Variants in DNER observed in about 807,000 individuals in gnomAD.
The protein encoded by DNER is delta/notch like EGF repeat containing.
In DNER, 33 loss-of-function variants were observed where a neutral mutation model predicts 78.2. The observed-to-expected ratio is 0.42, with a 90% CI of 0.32 to 0.56. The LOEUF is 0.56. DNER is among the 20% of genes least tolerant of loss of function. The probability of loss-of-function intolerance (pLI) is 0.11; values close to 1 mark genes in which losing one functional copy is unlikely to be tolerated. For missense variants in DNER, 918 were observed against 975.3 expected, an observed-to-expected ratio of 0.94 and a Z score of 0.78; for synonymous variants, 417 against 384.8, an observed-to-expected ratio of 1.08 and a Z score of -0.98.
chr2:229,690,924 G>T (rs1432644701), intron 1 of DNER, among the ~76,000 whole-genome samples: 1 of 152,200 alleles, frequency 6.6e-6, no homozygotes, highest in Non-Finnish European at 1.5e-5. Flanking sequence ...CAATGGCCAA[G>T]TTCATCCTTA....
chr2:229,564,571 A>T (rs1463021241), intron 4 of DNER, among the ~76,000 whole-genome samples: 12 of 105,286 alleles, frequency 1.1e-4, no homozygotes, highest in African/African-American at 1.5e-4. Context: ...ATCATCATCA[A>T]CATCATCACC....
At chr2:229,542,252 G>A (rs1427695140) in intron 5 of DNER, among the ~76,000 whole-genome samples, 2 of 151,854 alleles carry the variant, frequency 1.3e-5, no homozygotes, top group Non-Finnish European at 2.9e-5. Flanking sequence ...CTTTTTTTAA[G>A]CAGAAGGAAA....
At chr2:229,510,339 T>C (rs1695839946) in intron 6 of DNER, among the ~76,000 whole-genome samples, 1 of 152,204 alleles carries the variant, frequency 6.6e-6, no homozygotes, top group African/African-American at 2.4e-5. Context: ...ACGTGGAGAA[T>C]GGAGGGTCCG....
intron 6 of DNER, among the ~76,000 whole-genome samples, chr2:229,481,445 C>T (rs1001924837): frequency 2.0e-5 from 3 of 152,222 alleles, no homozygotes; most frequent in Non-Finnish European, 4.4e-5. Flanking sequence ...CAAATACCAG[C>T]GAGTGACTCC....
chr2:229,464,860 C>T (rs750766658), intron 7 of DNER, among the ~76,000 whole-genome samples: 8 of 152,092 alleles, frequency 5.3e-5, no homozygotes, highest in African/African-American at 1.7e-4. Flanking sequence ...GGTGCAAACG[C>T]TCCCTGTAGC....
chr2:229,456,144 T>C (rs6731978), intron 7 of DNER, among the ~76,000 whole-genome samples: 51,828 of 151,784 alleles, frequency 0.34, 9,972 homozygotes, highest in South Asian at 0.43. Flanking sequence ...CATATGCTTC[T>C]AGTGAGGGCC....
At chr2:229,367,465 G>A (rs1403488894) in intron 11 of DNER, among the ~76,000 whole-genome samples, 1 of 152,088 alleles carries the variant, frequency 6.6e-6, no homozygotes, top group Admixed American at 6.5e-5. Flanking sequence ...GCTGGGCGTG[G>A]TGGTGGATGT....
chr2:229,391,143 C>T (rs1693006932), intron 10 of DNER, among the ~76,000 whole-genome samples: 1 of 152,192 alleles, frequency 6.6e-6, no homozygotes, highest in African/African-American at 2.4e-5. Flanking sequence ...CAGTCTTACG[C>T]AAAGTGTTTG....
chr2:229,501,908 G>A (rs749084582), intron 6 of DNER, among the ~76,000 whole-genome samples: 9 of 152,280 alleles, frequency 5.9e-5, no homozygotes, highest in South Asian at 2.1e-4. Context: ...AACAAGGAGC[G>A]GCCTGGCTTA....
At chr2:229,666,430 G>T (rs946875181) in intron 1 of DNER, among the ~76,000 whole-genome samples, 4 of 152,186 alleles carry the variant, frequency 2.6e-5, no homozygotes, top group East Asian at 1.9e-4. Flanking sequence ...AGGTGAGGAA[G>T]AATGGGAATC....
intron 7 of DNER, among the ~76,000 whole-genome samples, chr2:229,458,411 GAGA>G (rs976197577): frequency 7.9e-5 from 12 of 151,882 alleles, no homozygotes; most frequent in Admixed American, 3.3e-4. Context: ...GAAATTATCA[GAGA>G]AGAAGCCCTT....
chr2:229,684,101 A>AGTGTGTGTGT lies in DNER; in HGVS notation c.276+30037_276+30046dup, dbSNP rs377602119. 4.7e-4 allele frequency among the ~76,000 whole-genome samples: 61 copies of AGTGTGTGTGT among 130,002 alleles called. No homozygotes were observed. The South Asian group carries it at 7.8e-3, about 17-fold the overall frequency. The allele number at this position is 130,002 out of a possible 152,430, so 85.3% of individuals were successfully genotyped here. A position where few individuals can be genotyped will look rare whatever the true frequency, so the allele number is the denominator to read the frequency against. The stretch of plus-strand genomic sequence containing the variant: ...GAGAACAGGAGATAGTACCTACCAG[A>AGTGTGTGTGT]GTGTGTGTGTGTGTGTGTGTGTTTG... On this transcript the variant is annotated intron_variant, in intron 1 of 12. Transcript: ENST00000341772.
intron 7 of DNER, among the ~76,000 whole-genome samples, chr2:229,471,490 A>G (rs1169425729): frequency 6.6e-6 from 1 of 152,222 alleles, no homozygotes; most frequent in Non-Finnish European, 1.5e-5. Context: ...GGTTTTCTCT[A>G]TAAACATGAC....
chr2:229,672,058 T>A (rs549660797), intron 1 of DNER, among the ~76,000 whole-genome samples: 1 of 152,208 alleles, frequency 6.6e-6, no homozygotes, highest in East Asian at 1.9e-4. Context: ...GTTATTTTGC[T>A]GTGTAACAAA....
At chr2:229,361,792 C>T (rs1284647630) in intron 12 of DNER, among the ~76,000 whole-genome samples, 2 of 151,394 alleles carry the variant, frequency 1.3e-5, no homozygotes, top group African/African-American at 2.4e-5. Flanking sequence ...TGTATTGAGA[C>T]TGACTTTTTT....
chr2:229,395,696 C>A (rs111860189), intron 10 of DNER, among the ~76,000 whole-genome samples: 1 of 152,144 alleles, frequency 6.6e-6, no homozygotes, highest in South Asian at 2.1e-4. Flanking sequence ...GTAAGGAGTT[C>A]GAGACTACCC....
intron 1 of DNER, among the ~76,000 whole-genome samples, chr2:229,609,191 C>G (rs1017282927): frequency 3.9e-5 from 6 of 152,044 alleles, no homozygotes; most frequent in Admixed American, 2.0e-4. Context: ...CCACTGCACT[C>G]CAGCTTGGGC....
chr2:229,430,190 C>A (rs903603476), intron 8 of DNER, among the ~76,000 whole-genome samples: 1 of 152,110 alleles, frequency 6.6e-6, no homozygotes, highest in African/African-American at 2.4e-5. Context: ...TTAAGGGATT[C>A]TTTTATTAAT....
chr2:229,592,640 T>A (rs1021250533), intron 1 of DNER, among the ~76,000 whole-genome samples: 4 of 152,204 alleles, frequency 2.6e-5, no homozygotes, highest in African/African-American at 9.7e-5. Flanking sequence ...CTCAGAGTCC[T>A]TCTCTGTTGA....
Sources: allele counts gnomAD v4.1 joint callset (sites outside exome capture counted in the v4.1 genomes callset), GRCh38; gene constraint gnomAD v4.1.1; transcripts MANE v1.5; gene names NCBI Gene and HGNC (gene_info 2026-07-23, HGNC 2026-07-21).